The following TNS3 variants were observed in gnomAD, a reference collection of about 807,000 sequenced individuals.
TNS3 encodes the protein tensin 3.
In TNS3, 45 loss-of-function variants were observed where a neutral mutation model predicts 140.9. The observed-to-expected ratio is 0.32, with a 90% CI of 0.25 to 0.41. TNS3 has a LOEUF of 0.41. TNS3 is among the 10% of genes least tolerant of loss of function. The probability of loss-of-function intolerance (pLI) is 1.00; values close to 1 mark genes in which losing one functional copy is unlikely to be tolerated. For synonymous variants in TNS3, 815 were observed against 788.4 expected (o/e 1.03, Z -0.56); for missense variants, 1,716 against 1,906.7 (o/e 0.90, Z 1.86).
chr7:47,368,907 C>G lies in TNS3; in HGVS notation c.1739G>C (p.Gly580Ala). 6.2e-7 allele frequency: 1 copy of G among 1,613,406 alleles called. No individual in the cohort carries two copies. Among genetic ancestry groups the G allele is most frequent in the Non-Finnish European group, 8.5e-7 (1 of 1,179,716 alleles). ...PSVSAQMQAY[G>A]QSSYSTQTWV... ...GGTCTGTGTGGAGTAGCTGCTCTGC[C>G]CATAGGCCTGCATCTGGGCGGACAC... The change falls in exon 17 of 31, where the codon GGG becomes GCG. Residue 580 changes from glycine (G) to alanine (A), a missense_variant. By Grantham distance (60) the Gly-to-Ala change is moderately conservative. This residue lies in a region of TNS3 where 1,163 missense variants were observed against 1,182.1 expected (regional missense o/e 0.98). Transcript: ENST00000311160.
At chr7:47,522,683 C>A (rs1252616276) in intron 2 of TNS3, among the ~76,000 whole-genome samples, 1 of 152,224 alleles carries the variant, frequency 6.6e-6, no homozygotes, top group African/African-American at 2.4e-5. Context: ...AATCCCAGCA[C>A]TTTGAGAGGC....
intron 16 of TNS3, among the ~76,000 whole-genome samples, chr7:47,386,661 G>A (rs1195016821): frequency 6.6e-6 from 1 of 152,244 alleles, no homozygotes; most frequent in Non-Finnish European, 1.5e-5. Flanking sequence ...GCTTTGCTCA[G>A]CCTGGCATGC....
Position 47,280,344 on chromosome 7 carries a change from G to T in TNS3, c.4108C>A (p.Arg1370=). The part of the protein sequence containing the change: ...LTDNQRKLFF[R]RHYPVNSVIF... ...ACACTGTTCACGGGGTAATGCCTCC[G>T]GAAGAAGAGCCTGTTGGGACATGGG... Residue 1370 remains arginine, a synonymous_variant, in exon 29 of 31, where the codon CGG becomes AGG. Coordinates refer to ENST00000311160, the MANE Select transcript of TNS3 (RefSeq NM_022748.12). 1 of 1,614,104 alleles carries T rather than the reference G, an allele frequency of 6.2e-7. No homozygotes were observed.
intron 1 of TNS3, among the ~76,000 whole-genome samples, chr7:47,571,516 C>CTCACAGAGG (rs546326869): frequency 6.6e-6 from 1 of 152,100 alleles, no homozygotes; most frequent in African/African-American, 2.4e-5. Context: ...GTCCCCAGAG[C>CTCACAGAGG]TGACAAGAGG....
At chr7:47,372,535 T>C (rs182255422) in intron 16 of TNS3, among the ~76,000 whole-genome samples, 21 of 152,308 alleles carry the variant, frequency 1.4e-4, no homozygotes, top group African/African-American at 4.6e-4. Flanking sequence ...AGGCACAGGA[T>C]AGTCCCTCTC....
chr7:47,396,611 C>T (rs1792845079), intron 16 of TNS3, 189 bp downstream of exon 16: 1 of 604,516 alleles, frequency 1.7e-6, no homozygotes, highest in South Asian at 1.9e-5. Context: ...CCCAAACTCA[C>T]CATGCCTTAT....
At chr7:47,537,710 A>C (rs1176394306) in intron 1 of TNS3, among the ~76,000 whole-genome samples, 1 of 151,924 alleles carries the variant, frequency 6.6e-6, no homozygotes, top group African/African-American at 2.4e-5. Context: ...ATGAGCAGTA[A>C]TCTACACTAC....
At chr7:47,405,328 A>G (rs1350260873) in intron 13 of TNS3, among the ~76,000 whole-genome samples, 1 of 152,186 alleles carries the variant, frequency 6.6e-6, no homozygotes, top group Admixed American at 6.5e-5. Context: ...AACAGAAAAG[A>G]GTAACATTCT....
At position 47,431,587 on chromosome 7, in the gene TNS3, G is replaced by C. The variant is rs140778495; in HGVS notation, c.325-3211C>G. Among the ~76,000 whole-genome samples the C allele has an allele frequency of 5.3e-5, 8 of 152,202 alleles. No individual in the cohort carries two copies. In the East Asian group the frequency reaches 1.5e-3, roughly 29 times the overall value. On this transcript the variant is annotated intron_variant, in intron 8 of 30. Transcript: ENST00000311160. ...CAGCCTGGTGACAGAGTGAGACTCC[G>C]TCTCAAAAAACAAAACAAAACACAA...
chr7:47,491,651 G>A (rs1424668940), intron 3 of TNS3, among the ~76,000 whole-genome samples: 2 of 152,122 alleles, frequency 1.3e-5, no homozygotes, highest in African/African-American at 4.8e-5. Flanking sequence ...TTCAGACTAG[G>A]CATTTCCTGG....
intron 2 of TNS3, among the ~76,000 whole-genome samples, chr7:47,527,647 T>G (rs1168377444): frequency 6.6e-6 from 1 of 152,112 alleles, no homozygotes; most frequent in Non-Finnish European, 1.5e-5. Context: ...AAACAATGGC[T>G]CAAACCTGTA....
At chr7:47,319,961 C>T (rs1489346285) in intron 20 of TNS3, among the ~76,000 whole-genome samples, 1 of 152,214 alleles carries the variant, frequency 6.6e-6, no homozygotes, top group African/African-American at 2.4e-5. Context: ...GAATGCAACA[C>T]TGGGAATCCT....
rs114170297 is a variant in TNS3, at chr7:47,516,351, C to T, written c.-152-9407G>A. Among the ~76,000 whole-genome samples the T allele has an allele frequency of 8.2e-3, 1,255 of 152,292 alleles. 22 individuals are homozygous for T. Among genetic ancestry groups the T allele is most frequent in the African/African-American group, 0.029 (1,206 of 41,550 alleles). On this transcript the variant is annotated intron_variant, in intron 2 of 30. Transcript: ENST00000311160. ...CCTGACTCTGCCAGGCTCCCATCTA[C>T]ACTTGCAGTGACTGCCAGGACCCCA...
At chr7:47,524,529 G>A (rs1017442511) in intron 2 of TNS3, among the ~76,000 whole-genome samples, 6 of 152,116 alleles carry the variant, frequency 3.9e-5, no homozygotes, top group Admixed American at 1.3e-4. Context: ...GAGGCCGGGC[G>A]CGGTGGCTCA....
intron 1 of TNS3, among the ~76,000 whole-genome samples, chr7:47,532,028 C>T (rs1799424122): frequency 6.6e-6 from 1 of 151,800 alleles, no homozygotes. Flanking sequence ...AGCACCCAGG[C>T]ATCTCTGCGG....
chr7:47,477,450 T>G (rs1475731231), intron 4 of TNS3, among the ~76,000 whole-genome samples: 1 of 151,670 alleles, frequency 6.6e-6, no homozygotes, highest in Non-Finnish European at 1.5e-5. Context: ...AGCAGCCAGG[T>G]CTAAGGGCAG....
At position 47,517,799 on chromosome 7, in the gene TNS3, C is replaced by T. The variant is rs375244878; in HGVS notation, c.-152-10855G>A. The stretch of plus-strand genomic sequence containing the variant: ...GGAAGGTGCAGCGGGAGCCTAAAGG[C>T]GGAGGGAGGGTTCCACAGTCATTTC... On this transcript the variant is annotated intron_variant, in intron 2 of 30. Transcript: ENST00000311160. Among the ~76,000 whole-genome samples, 7 of 151,796 alleles carry T rather than the reference C, an allele frequency of 4.6e-5. No individual in the cohort carries two copies. In the South Asian group the frequency reaches 1.1e-3, roughly 23 times the overall value.
intron 7 of TNS3, among the ~76,000 whole-genome samples, chr7:47,435,648 G>T (rs1276462834): frequency 6.6e-6 from 1 of 152,142 alleles, no homozygotes; most frequent in Non-Finnish European, 1.5e-5. Flanking sequence ...TGCAGCTGGG[G>T]TGACAATTCT....
chr7:47,304,694 GC>G lies in TNS3; in HGVS notation c.2822+137del, dbSNP rs1786642204. On this transcript the variant is annotated intron_variant, in intron 21 of 30. Transcript: ENST00000311160. ...GCACACAGCCCTGGTCCCCTGCCCCGCCCCATCTTCAGGCCAGTCCCTGCCT... is the reference window on the plus strand; with the variant it reads ...GCACACAGCCCTGGTCCCCTGCCCCGCCCATCTTCAGGCCAGTCCCTGCCT... 8.2e-6 allele frequency: 7 copies of G among 849,876 alleles called. No individual in the cohort carries two copies. The African/African-American group carries it at 1.2e-4, about 15-fold the overall frequency. 52.6% of individuals were successfully genotyped at this position (849,876 alleles called of 1,614,324 possible).
Sources: allele counts gnomAD v4.1 joint callset (sites outside exome capture counted in the v4.1 genomes callset), GRCh38; gene constraint gnomAD v4.1.1; regional missense constraint gnomAD v4.1.1; transcripts MANE v1.5; gene names NCBI Gene and HGNC (gene_info 2026-07-23, HGNC 2026-07-21).